Variants in ERICH1 observed in about 807,000 individuals in gnomAD.
ERICH1 encodes the protein glutamate-rich protein 1.
In ERICH1, 56 loss-of-function variants were observed where a neutral mutation model predicts 39.6. The observed-to-expected ratio is 1.41, with a 90% CI of 1.14 to 1.77. The LOEUF (loss-of-function observed/expected upper bound fraction) is 1.77, where lower values mean the gene tolerates loss of function less well. Among genes scored for constraint, ERICH1 ranks in the 40% most tolerant of loss-of-function variants. The pLI is 0.00. For synonymous variants in ERICH1, 313 were observed against 223.6 expected (o/e 1.40, Z -3.57); for missense variants, 826 against 575.4 (o/e 1.44, Z -4.45).
At chr8:681,085 G>A (rs941891966) in intron 3 of ERICH1, among the ~76,000 whole-genome samples, 9 of 152,204 alleles carry the variant, frequency 5.9e-5, no homozygotes, top group African/African-American at 2.2e-4. Flanking sequence ...ATGCCAGAGA[G>A]CCAGACTGGA....
chr8:620,456 C>A (rs1797214574), intron 3 of ERICH1, among the ~76,000 whole-genome samples: 1 of 152,062 alleles, frequency 6.6e-6, no homozygotes, highest in African/African-American at 2.4e-5. Flanking sequence ...TAAAGGGAAA[C>A]CAGAAACCTG....
intron 1 of ERICH1, among the ~76,000 whole-genome samples, chr8:730,409 A>T (rs533419949): frequency 1.8e-4 from 28 of 152,342 alleles, no homozygotes; most frequent in African/African-American, 6.7e-4. Flanking sequence ...AGAAGGAAAA[A>T]AATTCATCAG....
At chr8:695,067 C>T (rs1395386216) in intron 2 of ERICH1, among the ~76,000 whole-genome samples, 4 of 152,004 alleles carry the variant, frequency 2.6e-5, no homozygotes, top group African/African-American at 9.7e-5. Flanking sequence ...GGTTGGCTGC[C>T]CTGTGGGTTT....
intron 1 of ERICH1, among the ~76,000 whole-genome samples, chr8:727,259 A>T (rs1046022030): frequency 1.3e-5 from 2 of 152,198 alleles, no homozygotes; most frequent in African/African-American, 4.8e-5. Flanking sequence ...GACAATATGC[A>T]CACACAAGCT....
At chr8:715,550 G>C (rs939724623) in intron 2 of ERICH1, among the ~76,000 whole-genome samples, 5 of 152,264 alleles carry the variant, frequency 3.3e-5, no homozygotes, top group African/African-American at 1.2e-4. Context: ...TGGTGGGGAA[G>C]GCGCCTGTCT....
At chr8:619,248 G>A (rs1013117655) in intron 3 of ERICH1, among the ~76,000 whole-genome samples, 1 of 152,146 alleles carries the variant, frequency 6.6e-6, no homozygotes, top group Non-Finnish European at 1.5e-5. Flanking sequence ...AACAGAAAGG[G>A]CACGTGACCC....
At chr8:668,384 G>A in intron 5 of ERICH1, 1 of 593,392 alleles carries the variant, frequency 1.7e-6, no homozygotes, top group East Asian at 2.9e-5. Context: ...AACTTAGACT[G>A]CACATGCATT....
Position 731,141 on chromosome 8 carries a change from G to C in ERICH1, c.21C>G (p.His7Gln), listed in dbSNP as rs575451969. 2.6e-6 allele frequency: 4 copies of C among 1,520,934 alleles called. No individual in the cohort carries two copies. Among genetic ancestry groups the C allele is most frequent in the South Asian group, 1.2e-5 (1 of 81,372 alleles). The allele number at this position is 1,520,934 out of a possible 1,614,324, so 94.2% of individuals were successfully genotyped here. MAAHRKHVFVEKVLQRL... is the reference protein window; with the variant it reads MAAHRKQVFVEKVLQRL... Reference sequence around the variant, plus strand: ...GGCCTCCGCACCGCACCCACCTACCGTGCTTCCTGTGCGCCGCCATGCGGG... The same window carrying C: ...GGCCTCCGCACCGCACCCACCTACCCTGCTTCCTGTGCGCCGCCATGCGGG... Residue 7 changes from histidine (H) to glutamine (Q), a missense_variant and splice_region_variant, in exon 1 of 6, where the codon CAC (histidine) becomes CAG (glutamine). Physicochemically the swap from His to Gln is conservative, Grantham distance 24. Transcript: ENST00000262109.
intron 3 of ERICH1, among the ~76,000 whole-genome samples, chr8:650,733 G>T (rs1158591527): frequency 6.6e-6 from 1 of 152,214 alleles, no homozygotes; most frequent in Admixed American, 6.5e-5. Flanking sequence ...CGCAGCACAC[G>T]CTGATAAAAG....
At chr8:699,784 C>CGCACAGGCCCGCACAG (rs1811322565) in intron 2 of ERICH1, among the ~76,000 whole-genome samples, 2 of 96,992 alleles carry the variant, frequency 2.1e-5, no homozygotes, top group Non-Finnish European at 2.1e-5. Flanking sequence ...GACCCGCACA[C>CGCACAGGCCCGCACAG]GCGCACAGAC....
intron 4 of ERICH1, among the ~76,000 whole-genome samples, chr8:670,380 C>A (rs62487376): frequency 0.017 from 2,616 of 152,222 alleles, 31 homozygotes; most frequent in Middle Eastern, 0.037. Flanking sequence ...CGTGGCATGC[C>A]CGGTAAACTG....
At chr8:666,293 TAAA>T (rs928055091) in intron 5 of ERICH1, 1 of 152,162 alleles carries the variant, frequency 6.6e-6, no homozygotes, top group Non-Finnish European at 1.5e-5. Flanking sequence ...TTAAAAAAAT[TAAA>T]AAGTTAAAAT....
intron 3 of ERICH1, among the ~76,000 whole-genome samples, chr8:678,230 CT>C (rs964530760): frequency 6.6e-6 from 1 of 151,926 alleles, no homozygotes; most frequent in Non-Finnish European, 1.5e-5. Context: ...GTATAGGCTG[CT>C]TTTTTCCTCC....
chr8:718,164 C>T (rs1001194863), intron 1 of ERICH1, among the ~76,000 whole-genome samples: 13 of 148,916 alleles, frequency 8.7e-5, no homozygotes, highest in Non-Finnish European at 1.8e-4. Flanking sequence ...ACGGAGAAAC[C>T]GCACAACGCA....
Position 713,129 on chromosome 8 carries a change from C to G in ERICH1, c.169+2732G>C, listed in dbSNP as rs78601207. Among the ~76,000 whole-genome samples the G allele has an allele frequency of 5.7e-3, 864 of 152,304 alleles. 8 individuals are homozygous for G. The highest frequency in any genetic ancestry group is 0.02 in the African/African-American group (824 of 41,568). ...CCTCTCTACGTATGTGTGTCCTGAT[C>G]TCATCTTCTAATATGGACACCAGTA... is the stretch of plus-strand genomic sequence containing the variant. On this transcript the variant is annotated intron_variant, in intron 2 of 5. Transcript: ENST00000262109.
intron 3 of ERICH1, among the ~76,000 whole-genome samples, chr8:690,595 A>G (rs920994693): frequency 6.6e-6 from 1 of 152,222 alleles, no homozygotes; most frequent in Non-Finnish European, 1.5e-5. Flanking sequence ...GAGGGGCCAG[A>G]CTGAGGGCTA....
At position 675,128 on chromosome 8, in the gene ERICH1, CG is replaced by C. The variant is rs113417174; in HGVS notation, c.305-1082del. Among the ~76,000 whole-genome samples, 117 of 141,164 alleles carry C rather than the reference CG, an allele frequency of 8.3e-4. 4 individuals carry two copies. The highest frequency in any genetic ancestry group is 2.8e-3 in the African/African-American group (107 of 37,560). The allele number at this position is 141,164 out of a possible 152,430, so 92.6% of individuals were successfully genotyped here. On this transcript the variant is annotated intron_variant, in intron 3 of 5. Coordinates refer to ENST00000262109, the MANE Select transcript of ERICH1 (RefSeq NM_207332.3). The stretch of plus-strand genomic sequence containing the variant: ...TGAGGACAGAGACGTGGCGGCCCCT[CG>C]GCGAGGACAGAGACGCGGCGGCCCC...
chr8:724,257 G>A (rs60601752), intron 1 of ERICH1, among the ~76,000 whole-genome samples: 20,832 of 152,168 alleles, frequency 0.14, 1,931 homozygotes, highest in East Asian at 0.47. Context: ...AGGATGCTGC[G>A]TCAGGAGGAT....
chr8:624,460 G>A (rs948754089), intron 3 of ERICH1, among the ~76,000 whole-genome samples: 26 of 152,242 alleles, frequency 1.7e-4, no homozygotes, highest in African/African-American at 6.3e-4. Flanking sequence ...AAGCTTGTAC[G>A]TGATTGCTCA....
Sources: gnomAD v4.1 joint callset for allele counts (sites outside exome capture counted in the v4.1 genomes callset) on GRCh38, gnomAD v4.1.1 for gene constraint, MANE v1.5 for transcripts, NCBI Gene and HGNC (gene_info 2026-07-23, HGNC 2026-07-21) for gene names.